The following HFM1 variants were observed in gnomAD, a reference collection of about 807,000 sequenced individuals.
HFM1 encodes helicase for meiosis 1, also known as probable ATP-dependent DNA helicase HFM1.
Under a neutral mutation model 192.1 loss-of-function variants are expected in HFM1, and 169 were observed. The ratio of observed to expected loss-of-function variants is 0.88; its 90% CI spans 0.78 to 1.00. The LOEUF is 1.00. Among genes scored for constraint, HFM1 ranks in the 50% least tolerant of loss-of-function variants. HFM1 has a pLI of 0.00. For synonymous variants in HFM1, 525 were observed against 537.8 expected (o/e 0.98, Z 0.33); for missense variants, 1,661 against 1,668.0 (o/e 1.00, Z 0.07).
intron 26 of HFM1, 48 bp downstream of exon 26, chr1:91,316,343 G>A: frequency 8.6e-7 from 1 of 1,159,726 alleles, no homozygotes; most frequent in South Asian, 1.4e-5. Context: ...AGAAATAAAG[G>A]TAGGCCTCAG....
chr1:91,397,753 G>A lies in HFM1; in HGVS notation c.72-1348C>T, dbSNP rs540572123. 3.9e-5 allele frequency among the ~76,000 whole-genome samples: 6 copies of A among 152,208 alleles called. No homozygotes were observed. The East Asian group carries it at 5.8e-4, about 15-fold the overall frequency. On this transcript the variant is annotated intron_variant, in intron 2 of 38. Coordinates refer to ENST00000370425, the MANE Select transcript of HFM1 (RefSeq NM_001017975.6). ...AGACTCAGCATGTAGTCCTACTCAC[G>A]GCTACCAGGACGAAGTCCAAGGAAA...
chr1:91,401,745 T>C (rs997916028), intron 1 of HFM1, among the ~76,000 whole-genome samples: 4 of 152,200 alleles, frequency 2.6e-5, no homozygotes, highest in African/African-American at 9.6e-5. Context: ...AACATACATA[T>C]GCATATTTAT....
In HFM1 at chr1:91,264,361, ATTTTTTTTT is replaced by A. The variant is rs71087940; in HGVS notation, c.3974+1647_3974+1655del. 7.1e-3 allele frequency among the ~76,000 whole-genome samples: 408 copies of A among 57,086 alleles called. 7 individuals carry two copies. Among genetic ancestry groups the A allele is most frequent in the Non-Finnish European group, 8.2e-3 (271 of 32,972 alleles). The allele number at this position is 57,086 out of a possible 152,430, so 37.5% of individuals were successfully genotyped here. The stretch of plus-strand genomic sequence containing the variant: ...TTCCAAGGGATACCACAAATTTAGT[ATTTTTTTTT>A]TTTTTTTTTTTTTTTTTTTTGAGAC... On this transcript the variant is annotated intron_variant, in intron 36 of 38. Coordinates refer to ENST00000370425, the MANE Select transcript of HFM1 (RefSeq NM_001017975.6).
At chr1:91,318,512 T>G (rs533878300) in intron 25 of HFM1, among the ~76,000 whole-genome samples, 1 of 152,308 alleles carries the variant, frequency 6.6e-6, no homozygotes, top group East Asian at 1.9e-4. Context: ...AGGAAAATCC[T>G]TTGTAAATGG....
At chr1:91,368,052 G>A (rs992384789) in intron 13 of HFM1, among the ~76,000 whole-genome samples, 2 of 152,082 alleles carry the variant, frequency 1.3e-5, no homozygotes, top group Admixed American at 6.5e-5. Context: ...AGAGAAAAAA[G>A]AATAAAAAGA....
Position 91,315,945 on chromosome 1 carries a change from C to T in HFM1, c.3010G>A (p.Glu1004Lys). The change falls in exon 28 of 39, where the codon GAA (glutamate) becomes AAA (lysine). Residue 1004 changes from glutamate to lysine, a missense_variant. Coordinates refer to ENST00000370425, the MANE Select transcript of HFM1 (RefSeq NM_001017975.6). ...QITRYSDTTA[E>K]ILVTVILRNF... is the part of the protein sequence containing the mutation. ...CTTAATATAACAGTCACTAATATTT[C>T]TGCCGTCGTATCACTATATCTTGTA... 6.3e-7 allele frequency: 1 copy of T among 1,592,056 alleles called. No individual in the cohort carries two copies. The highest frequency in any genetic ancestry group is 8.6e-7 in the Non-Finnish European group (1 of 1,160,942).
rs138776291 is a variant in HFM1, at chr1:91,342,292, C to T, written c.2335+1138G>A. Reference sequence around the variant, plus strand: ...AGAGATAGGATTCAGGACACGCTATCCCAAAATGGAGCATCTTGGCTTATT... The same window carrying T: ...AGAGATAGGATTCAGGACACGCTATTCCAAAATGGAGCATCTTGGCTTATT... On this transcript the variant is annotated intron_variant, in intron 20 of 38. Transcript: ENST00000370425. Among the ~76,000 whole-genome samples the T allele has an allele frequency of 3.6e-4, 55 of 152,018 alleles. No homozygotes were observed. The East Asian group carries it at 8.9e-3, about 25-fold the overall frequency.
At chr1:91,362,415 CCAAA>C (rs889868945) in intron 13 of HFM1, among the ~76,000 whole-genome samples, 4 of 151,962 alleles carry the variant, frequency 2.6e-5, no homozygotes, top group Non-Finnish European at 5.9e-5. Flanking sequence ...AGTCAGAGAG[CCAAA>C]CAGTGAATGA....
At position 91,350,850 on chromosome 1, in the gene HFM1, T is replaced by C. The variant is rs1656837407; in HGVS notation, c.2094A>G (p.Glu698=). Residue 698 remains glutamate, a synonymous_variant, in exon 18 of 39, where the codon GAA becomes GAG. Coordinates refer to ENST00000370425, the MANE Select transcript of HFM1 (RefSeq NM_001017975.6). ...VESSLHRHLI[E]HLNAEIVLHT... ...GCAGTACTATCTCTGCATTTAAATG[T>C]TCAATAAGATGTCTGTGCAAACTAA... is the stretch of plus-strand genomic sequence containing the variant. The C allele has an allele frequency of 6.3e-7, 1 of 1,587,916 alleles. No homozygotes were observed. The highest frequency in any genetic ancestry group is 8.6e-7 in the Non-Finnish European group (1 of 1,161,720).
At chr1:91,312,891 G>A (rs114142215) in intron 30 of HFM1, among the ~76,000 whole-genome samples, 143 of 152,164 alleles carry the variant, frequency 9.4e-4, no homozygotes, top group African/African-American at 3.4e-3. Flanking sequence ...TCTTTTTTGC[G>A]CTGTTCTTGT....
At chr1:91,362,200 CA>C (rs1319194412) in intron 13 of HFM1, among the ~76,000 whole-genome samples, 1 of 152,048 alleles carries the variant, frequency 6.6e-6, no homozygotes, top group African/African-American at 2.4e-5. Flanking sequence ...CAAGGGCAAT[CA>C]GGAAAGAGAA....
In HFM1 at chr1:91,314,013, A is replaced by T. The variant is rs1447024154; in HGVS notation, c.3188T>A (p.Val1063Glu). 4.3e-6 allele frequency: 7 copies of T among 1,611,250 alleles called. No individual in the cohort carries two copies. Among genetic ancestry groups the T allele is most frequent in the Non-Finnish European group, 4.2e-6 (5 of 1,178,302 alleles). Residue 1063 changes from valine to glutamate, a missense_variant, in exon 29 of 39, where the codon GTG becomes GAG. Val to Glu is a moderately radical substitution (Grantham distance 121, BLOSUM62 -2). Coordinates refer to ENST00000370425, the MANE Select transcript of HFM1 (RefSeq NM_001017975.6). Reference sequence around the variant, plus strand: ...ATCTTCAGATTTAAGAGCTCTTTTCACAGCAATCTTTTTAGCCCAACTTCC... The same window carrying T: ...ATCTTCAGATTTAAGAGCTCTTTTCTCAGCAATCTTTTTAGCCCAACTTCC... ...KAGSWAKKIA[V>E]KRALKSEDLS...
In HFM1 at chr1:91,385,190, T is replaced by C. The variant is rs1219183272; in HGVS notation, c.799A>G (p.Ile267Val). 6.5e-7 allele frequency: 1 copy of C among 1,543,330 alleles called. No homozygotes were observed. The highest frequency in any genetic ancestry group is 1.2e-5 in the South Asian group (1 of 86,256). The change falls in exon 6 of 39, where the codon ATT becomes GTT. Residue 267 changes from isoleucine to valine, a missense_variant. Coordinates refer to ENST00000370425, the MANE Select transcript of HFM1 (RefSeq NM_001017975.6). ...TTGTAAATAACTTAAAGGATACGAA[T>C]TTCTGTGACAGCCTTCAAGGAACCT... is the stretch of plus-strand genomic sequence containing the variant. ...GLGSLKAVTEIPAKFRSIFKE... is the reference protein window; with the variant it reads ...GLGSLKAVTEVPAKFRSIFKE...
chr1:91,368,196 T>C (rs1659647404), intron 13 of HFM1, among the ~76,000 whole-genome samples: 1 of 151,536 alleles, frequency 6.6e-6, no homozygotes, highest in African/African-American at 2.4e-5. Context: ...CAGGAGAACT[T>C]CTCCAATCTA....
intron 4 of HFM1, among the ~76,000 whole-genome samples, chr1:91,391,368 T>C (rs1476791931): frequency 6.6e-6 from 1 of 152,154 alleles, no homozygotes; most frequent in Admixed American, 6.5e-5. Context: ...AAGGCTACAG[T>C]AACCAAAACA....
At chr1:91,366,984 C>T (rs1571127092) in intron 13 of HFM1, among the ~76,000 whole-genome samples, 1 of 152,198 alleles carries the variant, frequency 6.6e-6, no homozygotes, top group African/African-American at 2.4e-5. Flanking sequence ...TTGGAGGGTC[C>T]TACACCCACA....
At chr1:91,404,749 G>A (rs1244910449) in intron 1 of HFM1, 49 bp downstream of exon 1, 1 of 415,170 alleles carries the variant, frequency 2.4e-6, no homozygotes, top group Admixed American at 2.6e-5. Context: ...CGCGGGCGTC[G>A]GGCCCCCGTC....
At chr1:91,308,731 A>G (rs1197664320) in intron 30 of HFM1, among the ~76,000 whole-genome samples, 1 of 152,092 alleles carries the variant, frequency 6.6e-6, no homozygotes, top group East Asian at 1.9e-4. Flanking sequence ...ATTATCAGTC[A>G]TATGGTCTTA....
rs761218679 is a variant in HFM1, at chr1:91,323,114, T to C, written c.2513A>G (p.Asp838Gly). 3.8e-6 allele frequency: 6 copies of C among 1,571,474 alleles called. No homozygotes were observed. The African/African-American group carries it at 4.1e-5, about 11-fold the overall frequency. ...GTACCTGATAGTTATCCGATTTGGA[T>C]CTTTGTTCAAAGTATTCAGTGTTTT... The part of the protein sequence containing the change: ...EKKTLNTLNK[D>G]PNRITIRFPM... The change falls in exon 22 of 39, where the codon GAT becomes GGT. Residue 838 changes from aspartate to glycine, a missense_variant. Transcript: ENST00000370425.
Sources: gnomAD v4.1 joint callset for allele counts (sites outside exome capture counted in the v4.1 genomes callset) on GRCh38, gnomAD v4.1.1 for gene constraint, MANE v1.5 for transcripts, NCBI Gene and HGNC (gene_info 2026-07-23, HGNC 2026-07-21) for gene names.